PPP2R2B: variants seen among roughly 807,000 people sequenced by gnomAD.
The protein encoded by PPP2R2B is protein phosphatase 2 regulatory subunit Bbeta.
PPP2R2B carries 5 observed loss-of-function variants against 46.0 expected under a neutral mutation model. The observed-to-expected ratio is 0.11, with a 90% CI of 0.06 to 0.23. The LOEUF is 0.23. Ranked by LOEUF, PPP2R2B falls within the 10% of genes least tolerant of loss-of-function variation. PPP2R2B has a pLI of 1.00. For synonymous variants in PPP2R2B, 215 were observed against 206.7 expected (o/e 1.04, Z -0.34); for missense variants, 367 against 575.0 (o/e 0.64, Z 3.70).
At chr5:146,932,699 A>G (rs537569341) in intron 1 of PPP2R2B, among the ~76,000 whole-genome samples, 7 of 152,282 alleles carry the variant, frequency 4.6e-5, no homozygotes, top group African/African-American at 1.7e-4. Flanking sequence ...TGGACAATAG[A>G]TTCCATGAAG....
intron 1 of PPP2R2B, among the ~76,000 whole-genome samples, chr5:146,937,660 TAG>T (rs1484915383): frequency 1.3e-5 from 2 of 152,094 alleles, no homozygotes; most frequent in African/African-American, 4.8e-5. Flanking sequence ...TCCTTTGAGC[TAG>T]AGTGAGCCGC....
chr5:146,857,641 A>G (rs2151389318), intron 2 of PPP2R2B, among the ~76,000 whole-genome samples: 1 of 152,336 alleles, frequency 6.6e-6, no homozygotes, highest in East Asian at 1.9e-4. Context: ...TAATCAAAAC[A>G]ACTGTCTTCT....
In PPP2R2B at chr5:146,760,774, T is replaced by G. The variant is rs114640691; in HGVS notation, c.71-59632A>C. Among the ~76,000 whole-genome samples the G allele has an allele frequency of 3.0e-3, 461 of 152,250 alleles. 2 individuals are homozygous for G. The highest frequency in any genetic ancestry group is 0.011 in the African/African-American group (444 of 41,548). ...CACTCTCACCCACCCTTGACTCGCA[T>G]AGTTGAAAAATTGCTGTTGAAGTTT... On this transcript the variant is annotated intron_variant, in intron 2 of 9. Transcript: ENST00000394411.
intron 1 of PPP2R2B, among the ~76,000 whole-genome samples, chr5:146,931,640 C>G (rs1057202800): frequency 2.0e-5 from 3 of 152,076 alleles, no homozygotes; most frequent in Non-Finnish European, 4.4e-5. Context: ...ATTGAAGTCA[C>G]TTTTAGCTTC....
At chr5:146,668,158 T>A (rs9325021) in intron 5 of PPP2R2B, among the ~76,000 whole-genome samples, 1,498 of 148,008 alleles carry the variant, frequency 0.01, 22 homozygotes, top group African/African-American at 0.034. Context: ...GAAGAATAAT[T>A]GGATACATTT....
intron 6 of PPP2R2B, among the ~76,000 whole-genome samples, chr5:146,641,799 G>A (rs1050282313): frequency 1.3e-5 from 2 of 152,130 alleles, no homozygotes; most frequent in Non-Finnish European, 2.9e-5. Flanking sequence ...TGAGCAATTC[G>A]TGGCTCCACG....
intron 2 of PPP2R2B, among the ~76,000 whole-genome samples, chr5:146,777,380 A>G (rs943738735): frequency 6.6e-6 from 1 of 152,194 alleles, no homozygotes; most frequent in Non-Finnish European, 1.5e-5. Flanking sequence ...AAAGACAATT[A>G]TTGTATGATT....
intron 2 of PPP2R2B, among the ~76,000 whole-genome samples, chr5:147,078,648 T>A (rs1165598130): frequency 2.7e-5 from 4 of 149,924 alleles, no homozygotes; most frequent in South Asian, 4.2e-4. Flanking sequence ...AAATAAAAAT[T>A]AAAAAAAAAT....
chr5:146,978,749 A>G (rs1271733867), intron 1 of PPP2R2B, among the ~76,000 whole-genome samples: 1 of 152,170 alleles, frequency 6.6e-6, no homozygotes. Context: ...CAGTACCAGT[A>G]CCATGCTGTT....
upstream of PPP2R2B, among the ~76,000 whole-genome samples, chr5:147,058,014 G>T (rs1270268070): frequency 6.6e-6 from 1 of 152,114 alleles, no homozygotes; most frequent in East Asian, 1.9e-4. Context: ...CTTAATTACA[G>T]CATATTACTT....
chr5:146,953,485 C>T (rs546385009), intron 1 of PPP2R2B, among the ~76,000 whole-genome samples: 13 of 152,144 alleles, frequency 8.5e-5, no homozygotes, highest in African/African-American at 3.1e-4. Flanking sequence ...GGGAACCTCA[C>T]ATAAGTTAGG....
chr5:146,726,132 T>G (rs1406407539), intron 2 of PPP2R2B, among the ~76,000 whole-genome samples: 1 of 152,142 alleles, frequency 6.6e-6, no homozygotes, highest in African/African-American at 2.4e-5. Flanking sequence ...GAATCCATCA[T>G]GCCAGAGGAG....
intron 2 of PPP2R2B, among the ~76,000 whole-genome samples, chr5:146,864,830 G>C (rs920559156): frequency 6.6e-6 from 1 of 152,136 alleles, no homozygotes; most frequent in Non-Finnish European, 1.5e-5. Flanking sequence ...AAGTTTCCTA[G>C]GATAAACTTA....
intron 2 of PPP2R2B, among the ~76,000 whole-genome samples, chr5:146,773,953 C>G (rs562806638): frequency 6.6e-6 from 1 of 152,288 alleles, no homozygotes; most frequent in Admixed American, 6.5e-5. Flanking sequence ...AACATTCCCA[C>G]TGCAACCCGT....
chr5:146,735,641 A>C (rs1752491972), intron 2 of PPP2R2B, among the ~76,000 whole-genome samples: 1 of 152,172 alleles, frequency 6.6e-6, no homozygotes, highest in African/African-American at 2.4e-5. Context: ...ATATAAAACC[A>C]TGGACGTTGC....
chr5:146,891,668 A>G (rs1409747736), intron 1 of PPP2R2B, among the ~76,000 whole-genome samples: 1 of 152,188 alleles, frequency 6.6e-6, no homozygotes, highest in Non-Finnish European at 1.5e-5. Flanking sequence ...ACTTGATTGC[A>G]AAGATAACTG....
chr5:146,726,963 G>A (rs1751908584), intron 2 of PPP2R2B, among the ~76,000 whole-genome samples: 1 of 152,156 alleles, frequency 6.6e-6, no homozygotes, highest in Admixed American at 6.6e-5. Flanking sequence ...CTGGCTCAAG[G>A]AGGCGTTTCC....
In PPP2R2B at chr5:146,878,050, G is replaced by C; in HGVS notation, c.22C>G (p.Arg8Gly). The change falls in exon 2 of 10, where the codon CGC (arginine) becomes GGC (glycine). Residue 8 changes from arginine to glycine, a missense_variant. By Grantham distance (125) the Arg-to-Gly change is moderately radical. Around this residue, in one of 2 missense-constraint regions of PPP2R2B, gnomAD observed 361 missense variants for 545.5 expected, o/e 0.66. Transcript: ENST00000394411. The surrounding 1 kb of genome is among the most constrained non-coding windows in gnomAD (Gnocchi z 4.5). The stretch of plus-strand genomic sequence containing the variant: ...CGCAGGAAACTGTTGTTGATTTTGC[G>C]GGTATCAATGTCCTCCTCCATTGAC... The part of the protein sequence containing the change: MEEDIDT[R>G]KINNSFLRDH... 1 of 1,614,148 alleles carries C rather than the reference G, an allele frequency of 6.2e-7. No individual in the cohort carries two copies. The highest frequency in any genetic ancestry group is 1.7e-5 in the Admixed American group (1 of 60,030).
rs568738494 is a variant in PPP2R2B, at chr5:146,749,765, A to AT, written c.71-48624dup. 8.9e-4 allele frequency among the ~76,000 whole-genome samples: 135 copies of AT among 151,712 alleles called. 1 individual carries two copies. Among genetic ancestry groups the AT allele is most frequent in the African/African-American group, 3.0e-3 (125 of 41,388 alleles). ...AGGCGCCTGCCACCATGCCCGGCTA[A>AT]TTTTTTGTATTTTTAGTAGAGACGG... On this transcript the variant is annotated intron_variant, in intron 2 of 9. Transcript: ENST00000394411.
Sources: gnomAD v4.1 joint callset for allele counts (sites outside exome capture counted in the v4.1 genomes callset) on GRCh38, gnomAD v4.1.1 for gene constraint, gnomAD v4.1.1 regional missense constraint, Gnocchi (gnomAD v3.1) non-coding constraint, MANE v1.5 for transcripts, NCBI Gene and HGNC (gene_info 2026-07-23, HGNC 2026-07-21) for gene names.